Variants in TAFA4 observed in about 807,000 individuals in gnomAD.
TAFA4 encodes the protein chemokine-like protein TAFA-4.
TAFA4 carries 20 observed loss-of-function variants against 21.1 expected under a neutral mutation model. The ratio of observed to expected loss-of-function variants is 0.95; its 90% confidence interval spans 0.67 to 1.38. TAFA4 has a LOEUF of 1.38. Among genes scored for constraint, TAFA4 ranks in the 40% most tolerant of loss-of-function variants. The pLI, the probability that TAFA4 is intolerant of heterozygous loss-of-function variation, is 0.00. For synonymous variants in TAFA4, 71 were observed against 67.4 expected (o/e 1.05, Z -0.26); for missense variants, 211 against 180.9 (o/e 1.17, Z -0.95).
chr3:68,828,348 T>G (rs948520604), intron 3 of TAFA4, among the ~76,000 whole-genome samples: 5 of 152,196 alleles, frequency 3.3e-5, no homozygotes, highest in African/African-American at 4.8e-5. Context: ...AAGAATTGTC[T>G]TGCCTATACA....
intron 3 of TAFA4, among the ~76,000 whole-genome samples, chr3:68,862,279 C>T (rs2089355087): frequency 6.6e-6 from 1 of 152,074 alleles, no homozygotes; most frequent in African/African-American, 2.4e-5. Flanking sequence ...CTTCTCCAAA[C>T]ACATATTGTA....
chr3:68,787,228 A>G (rs574248893), intron 3 of TAFA4, among the ~76,000 whole-genome samples: 3 of 152,210 alleles, frequency 2.0e-5, no homozygotes, highest in East Asian at 3.8e-4. Context: ...GGAAACAGAA[A>G]AACAACCAGA....
chr3:68,808,775 G>A (rs1186942054), intron 3 of TAFA4, among the ~76,000 whole-genome samples: 1 of 152,130 alleles, frequency 6.6e-6, no homozygotes, highest in Non-Finnish European at 1.5e-5. Flanking sequence ...TAACAAAAAA[G>A]CCCAAAATAT....
chr3:68,920,521 T>C (rs2090048623), intron 1 of TAFA4, among the ~76,000 whole-genome samples: 1 of 152,130 alleles, frequency 6.6e-6, no homozygotes. Flanking sequence ...CTTTGAAACA[T>C]AATGTATACT....
intron 4 of TAFA4, among the ~76,000 whole-genome samples, chr3:68,751,420 G>A (rs539613886): frequency 6.6e-6 from 1 of 152,286 alleles, no homozygotes; most frequent in African/African-American, 2.4e-5. Flanking sequence ...AGTGGGGATG[G>A]AGAAAAGTGG....
intron 3 of TAFA4, among the ~76,000 whole-genome samples, chr3:68,858,458 A>G (rs567620353): frequency 6.6e-6 from 1 of 152,214 alleles, no homozygotes; most frequent in South Asian, 2.1e-4. Context: ...TGATGGGAAA[A>G]GGAAGAGAAA....
intron 3 of TAFA4, among the ~76,000 whole-genome samples, chr3:68,780,980 A>G (rs978615729): frequency 6.6e-6 from 1 of 152,172 alleles, no homozygotes; most frequent in South Asian, 2.1e-4. Context: ...AAAAGTAAAT[A>G]AAAGAATAGT....
chr3:68,762,504 T>C (rs907597167), intron 3 of TAFA4, among the ~76,000 whole-genome samples: 1 of 152,190 alleles, frequency 6.6e-6, no homozygotes, highest in African/African-American at 2.4e-5. Flanking sequence ...GGAGCATAGA[T>C]GGCTCATTTA....
At chr3:68,888,468 C>A (rs1462751428) in intron 1 of TAFA4, among the ~76,000 whole-genome samples, 1 of 152,094 alleles carries the variant, frequency 6.6e-6, no homozygotes, top group South Asian at 2.1e-4. Context: ...AAAACTGTTC[C>A]AGCCTCTACC....
chr3:68,879,015 C>T (rs1263308357), intron 3 of TAFA4, among the ~76,000 whole-genome samples: 1 of 152,120 alleles, frequency 6.6e-6, no homozygotes, highest in Non-Finnish European at 1.5e-5. Context: ...TAAAATACCT[C>T]CTTGTTTACA....
At chr3:68,810,822 T>C (rs953053523) in intron 3 of TAFA4, among the ~76,000 whole-genome samples, 18 of 151,864 alleles carry the variant, frequency 1.2e-4, no homozygotes, top group Non-Finnish European at 2.6e-4. Flanking sequence ...TTGAAGAGAG[T>C]AGTGGTTCTC....
chr3:68,859,162 G>C (rs1419233601), intron 3 of TAFA4, among the ~76,000 whole-genome samples: 1 of 152,042 alleles, frequency 6.6e-6, no homozygotes. Context: ...AACATAATCT[G>C]AGCCAAACAA....
chr3:68,849,572 G>A (rs1704893199), intron 3 of TAFA4, among the ~76,000 whole-genome samples: 1 of 152,138 alleles, frequency 6.6e-6, no homozygotes, highest in Non-Finnish European at 1.5e-5. Context: ...AGCCATCTTG[G>A]ACCCTTCGGA....
At chr3:68,866,827 A>G (rs897049012) in intron 3 of TAFA4, among the ~76,000 whole-genome samples, 2 of 151,898 alleles carry the variant, frequency 1.3e-5, no homozygotes, top group African/African-American at 4.8e-5. Flanking sequence ...AAACCAGAAA[A>G]AAGTCTGTGA....
At chr3:68,862,131 A>G (rs2089352788) in intron 3 of TAFA4, among the ~76,000 whole-genome samples, 1 of 151,942 alleles carries the variant, frequency 6.6e-6, no homozygotes, top group South Asian at 2.1e-4. Flanking sequence ...TAGTTTTCTG[A>G]TGATGCCACT....
chr3:68,821,905 A>G (rs1050109267), intron 3 of TAFA4, among the ~76,000 whole-genome samples: 3 of 152,172 alleles, frequency 2.0e-5, no homozygotes, highest in Non-Finnish European at 2.9e-5. Flanking sequence ...TGCCAAATCC[A>G]TCACTTAAAA....
intron 5 of TAFA4, among the ~76,000 whole-genome samples, chr3:68,733,938 T>C (rs576999658): frequency 6.6e-6 from 1 of 152,180 alleles, no homozygotes; most frequent in African/African-American, 2.4e-5. Flanking sequence ...GCTGGGTAAC[T>C]ACAGCAAACT....
chr3:68,858,248 G>T (rs76141052), intron 3 of TAFA4, among the ~76,000 whole-genome samples: 5,655 of 152,108 alleles, frequency 0.037, 345 homozygotes, highest in African/African-American at 0.12. Context: ...GAAATGCACG[G>T]CATCCTTTCT....
intron 1 of TAFA4, among the ~76,000 whole-genome samples, chr3:68,921,810 A>C (rs1201177367): frequency 2.0e-5 from 3 of 152,242 alleles, no homozygotes. Context: ...CAATGTAGAC[A>C]TCAGTCAGAT....
Sources: gnomAD v4.1 joint callset for allele counts (sites outside exome capture counted in the v4.1 genomes callset) on GRCh38, gnomAD v4.1.1 for gene constraint, MANE v1.5 for transcripts, NCBI Gene and HGNC (gene_info 2026-07-23, HGNC 2026-07-21) for gene names.